Variants in CEP41 observed in about 807,000 individuals in gnomAD.
CEP41 encodes the protein centrosomal protein 41, also known as centrosomal protein of 41 kDa.
CEP41 carries 32 observed loss-of-function variants against 44.3 expected under a neutral mutation model. That is an observed-to-expected ratio of 0.72 (90% CI 0.54 to 0.97). CEP41 has a LOEUF of 0.97. CEP41 is among the 50% of genes least tolerant of loss of function. CEP41 has a pLI of 0.00. For synonymous variants in CEP41, 151 were observed against 168.5 expected (o/e 0.90, Z 0.80); for missense variants, 432 against 455.2 (o/e 0.95, Z 0.46).
At chr7:130,412,632 T>C (rs1797218178) in intron 3 of CEP41, among the ~76,000 whole-genome samples, 1 of 152,208 alleles carries the variant, frequency 6.6e-6, no homozygotes, top group Non-Finnish European at 1.5e-5. Flanking sequence ...GTTTTACAAA[T>C]GAGGACAGAG....
upstream of CEP41, among the ~76,000 whole-genome samples, chr7:130,441,574 T>C (rs1188397915): frequency 6.6e-6 from 1 of 152,256 alleles, no homozygotes; most frequent in Non-Finnish European, 1.5e-5. Context: ...GCTTTTAGGC[T>C]AGCTATAGAG....
rs1554415753 is a variant in CEP41, at chr7:130,398,344, CAG to C, written c.*545_*546del. On this transcript the variant is annotated 3_prime_UTR_variant, in exon 11 of 11. Coordinates refer to ENST00000223208, the MANE Select transcript of CEP41 (RefSeq NM_018718.3). ...AAAACAGGGCCTGCAATATGCTGGG[CAG>C]AGAGCTCCTTGCTGAGTGAGCCTGC... 11 of 454,032 alleles carry C rather than the reference CAG, an allele frequency of 2.4e-5. No homozygotes were observed. In the Admixed American group the frequency reaches 2.6e-4, roughly 11 times the overall value. The allele number at this position is 454,032 out of a possible 1,614,324, so 28.1% of individuals were successfully genotyped here. A position where few individuals can be genotyped will look rare whatever the true frequency, so the allele number is the denominator to read the frequency against.
intron 3 of CEP41, among the ~76,000 whole-genome samples, chr7:130,416,424 T>C (rs1797337891): frequency 6.6e-6 from 1 of 152,220 alleles, no homozygotes; most frequent in African/African-American, 2.4e-5. Context: ...AAATATGATT[T>C]TTAATTAAAA....
At chr7:130,432,269 A>G (rs1797844051) in intron 1 of CEP41, among the ~76,000 whole-genome samples, 1 of 152,208 alleles carries the variant, frequency 6.6e-6, no homozygotes. Flanking sequence ...AAGTGGTAGT[A>G]AAGATGAAGA....
At chr7:130,416,122 C>T (rs1554420821) in intron 3 of CEP41, among the ~76,000 whole-genome samples, 3 of 152,198 alleles carry the variant, frequency 2.0e-5, no homozygotes, top group Admixed American at 2.0e-4. Flanking sequence ...GCAATTTTAT[C>T]TTCCAAGAAG....
At chr7:130,430,810 T>C (rs1230371541) in intron 1 of CEP41, among the ~76,000 whole-genome samples, 1 of 152,190 alleles carries the variant, frequency 6.6e-6, no homozygotes, top group Non-Finnish European at 1.5e-5. Context: ...GTTTTGTTTT[T>C]CCCACTAGTT....
In CEP41 at chr7:130,400,131, AGGGGT is replaced by A; in HGVS notation, c.876_880del (p.Pro293ThrfsTer3). The A allele has an allele frequency of 6.2e-7, 1 of 1,613,738 alleles. No individual in the cohort carries two copies. The highest frequency in any genetic ancestry group is 8.5e-7 in the Non-Finnish European group (1 of 1,179,832). On this transcript the variant is annotated frameshift_variant, in exon 10 of 11. Coordinates refer to ENST00000223208, the MANE Select transcript of CEP41 (RefSeq NM_018718.3). LOFTEE classifies it high-confidence loss of function. The stretch of plus-strand genomic sequence containing the variant: ...AAATCTCCATTTATTCTCAGCTGGT[AGGGGT>A]GGCCCTTTGGGGCTGGATCGTTTCC...
At chr7:130,409,126 G>T (rs1267536053) in intron 5 of CEP41, among the ~76,000 whole-genome samples, 1 of 152,216 alleles carries the variant, frequency 6.6e-6, no homozygotes, top group Admixed American at 6.5e-5. Context: ...AGGAAAAAGC[G>T]ATAAACATTA....
chr7:130,393,922 G>C lies in CEP41; in HGVS notation c.*4969C>G, dbSNP rs782526156. 1 of 454,082 alleles carries C rather than the reference G, an allele frequency of 2.2e-6. No individual in the cohort carries two copies. The highest frequency in any genetic ancestry group is 1.6e-5 in the South Asian group (1 of 64,472). 28.1% of individuals were successfully genotyped at this position (454,082 alleles called of 1,614,324 possible). ...ATTAACAGACAAAATAACCTCGGAA[G>C]CCCTGGAGCACCTGTCTTCAAGATA... On this transcript the variant is annotated 3_prime_UTR_variant, in exon 11 of 11. Transcript: ENST00000223208.
chr7:130,425,115 C>T (rs1554423079), intron 2 of CEP41, among the ~76,000 whole-genome samples: 1 of 152,062 alleles, frequency 6.6e-6, no homozygotes, highest in Admixed American at 6.5e-5. Flanking sequence ...TCACTATTAC[C>T]ACAGGAAAAT....
chr7:130,406,288 AAAT>A (rs1164198819), intron 5 of CEP41, among the ~76,000 whole-genome samples: 4 of 152,196 alleles, frequency 2.6e-5, no homozygotes, highest in Non-Finnish European at 4.4e-5. Flanking sequence ...GTTTTTTTAA[AAAT>A]AATAATAACA....
At chr7:130,405,837 C>CT (rs1796992073) in intron 5 of CEP41, among the ~76,000 whole-genome samples, 1 of 152,120 alleles carries the variant, frequency 6.6e-6, no homozygotes, top group African/African-American at 2.4e-5. Flanking sequence ...TCTGAAAGGA[C>CT]TATTGAAATA....
rs782471845 is a variant in CEP41 at position 130,398,859 on chromosome 7, G to C, written c.*32C>G. ...TGCTCAGGGGTTCTGAAAAGAGGAA[G>C]AACATTTATTTGCCTAAGTGAGACA... is the stretch of plus-strand genomic sequence containing the variant. On this transcript the variant is annotated 3_prime_UTR_variant, in exon 11 of 11. Transcript: ENST00000223208. 4 of 1,613,128 alleles carry C rather than the reference G, an allele frequency of 2.5e-6. No individual in the cohort carries two copies. Among genetic ancestry groups the C allele is most frequent in the African/African-American group, 2.7e-5 (2 of 75,036 alleles).
chr7:130,433,214 A>C (rs1797872513), intron 1 of CEP41, among the ~76,000 whole-genome samples: 1 of 152,170 alleles, frequency 6.6e-6, no homozygotes, highest in Non-Finnish European at 1.5e-5. Flanking sequence ...TGCAAAAAAC[A>C]GCAGATCAAG....
Position 130,417,268 on chromosome 7 carries a change from T to G in CEP41, c.98-302A>C. ...TTTCTATCAGTTTGTTTTTCAAGTC[T>G]AGGCTTTCCTCCTCCTTTTATCTCC... is the stretch of plus-strand genomic sequence containing the variant. On this transcript the variant is annotated intron_variant, in intron 2 of 10. Coordinates refer to ENST00000223208, the MANE Select transcript of CEP41 (RefSeq NM_018718.3). 5.1e-6 allele frequency: 6 copies of G among 1,180,478 alleles called. No individual in the cohort carries two copies. The South Asian group carries it at 1.0e-4, about 20-fold the overall frequency. 73.1% of individuals were successfully genotyped at this position (1,180,478 alleles called of 1,614,324 possible).
chr7:130,411,835 T>G (rs1554419797), intron 4 of CEP41, among the ~76,000 whole-genome samples: 1 of 152,212 alleles, frequency 6.6e-6, no homozygotes, highest in Non-Finnish European at 1.5e-5. Flanking sequence ...GGAAATCACT[T>G]GGTTTCCAGA....
chr7:130,400,150 T>C lies in CEP41; in HGVS notation c.862A>G (p.Ser288Gly), dbSNP rs782277834. Residue 288 changes from serine (S) to glycine (G), a missense_variant, in exon 10 of 11, where the codon AGC (serine) becomes GGC (glycine). By Grantham distance (56) the Ser-to-Gly change is moderately conservative. Coordinates refer to ENST00000223208, the MANE Select transcript of CEP41 (RefSeq NM_018718.3). ...GCTGGTAGGGGTGGCCCTTTGGGGC[T>C]GGATCGTTTCCGGGCAGACCCAGGA... ...LPPGSARKRS[S>G]PKGPPLPAEN... 2 of 1,613,960 alleles carry C rather than the reference T, an allele frequency of 1.2e-6. No individual in the cohort carries two copies. The highest frequency in any genetic ancestry group is 1.7e-6 in the Non-Finnish European group (2 of 1,179,920).
chr7:130,412,445 A>G (rs1554420023), intron 3 of CEP41, among the ~76,000 whole-genome samples: 1 of 152,202 alleles, frequency 6.6e-6, no homozygotes. Context: ...GTCATTAGGA[A>G]GCTTAAAGTT....
Position 130,394,963 on chromosome 7 carries a change from G to A in CEP41, c.*3928C>T, listed in dbSNP as rs532062127. 7.7e-4 allele frequency: 350 copies of A among 454,102 alleles called. 2 individuals carry two copies. The highest frequency in any genetic ancestry group is 6.4e-3 in the African/African-American group (319 of 50,114). The allele number at this position is 454,102 out of a possible 1,614,324, so 28.1% of individuals were successfully genotyped here. ...CAGGATGTTACACAGGTGAGAATTT[G>A]CTTCTGTACAGAACAAAGAGGATCA... On this transcript the variant is annotated 3_prime_UTR_variant, in exon 11 of 11. Transcript: ENST00000223208.
Sources: allele counts gnomAD v4.1 joint callset (sites outside exome capture counted in the v4.1 genomes callset), GRCh38; gene constraint gnomAD v4.1.1; transcripts MANE v1.5; gene names NCBI Gene and HGNC (gene_info 2026-07-23, HGNC 2026-07-21).